Variants in CHRNA3 observed in about 807,000 individuals in gnomAD.
CHRNA3 encodes neuronal acetylcholine receptor subunit alpha-3.
Under a neutral mutation model 41.9 loss-of-function variants are expected in CHRNA3, and 34 were observed. That is an observed-to-expected ratio of 0.81 (90% CI 0.62 to 1.08). The LOEUF is 1.08. CHRNA3 is among the 50% of genes least tolerant of loss of function. The pLI is 0.00. For missense variants in CHRNA3, 542 were observed against 638.3 expected, an observed-to-expected ratio of 0.85 and a Z score of 1.63; for synonymous variants, 281 against 265.2, an observed-to-expected ratio of 1.06 and a Z score of -0.58.
chr15:78,613,923 G>T (rs2053424093), intron 4 of CHRNA3, among the ~76,000 whole-genome samples: 1 of 151,768 alleles, frequency 6.6e-6, no homozygotes, highest in African/African-American at 2.4e-5. Flanking sequence ...TCCAGCCTGG[G>T]CGACAGAGTG....
At chr15:78,609,736 T>C (rs2053353117) in intron 4 of CHRNA3, among the ~76,000 whole-genome samples, 1 of 152,126 alleles carries the variant, frequency 6.6e-6, no homozygotes, top group African/African-American at 2.4e-5. Context: ...CAATATTAAC[T>C]TTAAATGTAA....
At chr15:78,615,548 G>A (rs1012439161) in intron 4 of CHRNA3, among the ~76,000 whole-genome samples, 1 of 152,064 alleles carries the variant, frequency 6.6e-6, no homozygotes, top group African/African-American at 2.4e-5. Context: ...AAAGCAAGCT[G>A]GTCACACAGC....
chr15:78,601,945 A>T lies in CHRNA3; in HGVS notation c.697T>A (p.Tyr233Asn). The change falls in exon 5 of 6, where the codon TAC (tyrosine) becomes AAC (asparagine). Residue 233 changes from tyrosine to asparagine, a missense_variant. Coordinates refer to ENST00000326828, the MANE Select transcript of CHRNA3 (RefSeq NM_000743.5). ...GGCAGGCGCCGGATGTACAGCGAGTATGTGATGTCGGGGTAGATCTCCTCG... is the reference window on the plus strand; with the variant it reads ...GGCAGGCGCCGGATGTACAGCGAGTTTGTGATGTCGGGGTAGATCTCCTCG... ...CCEEIYPDIT[Y>N]SLYIRRLPLF... is the part of the protein sequence containing the mutation. 1 of 1,613,534 alleles carries T rather than the reference A, an allele frequency of 6.2e-7. No individual in the cohort carries two copies. The highest frequency in any genetic ancestry group is 8.5e-7 in the Non-Finnish European group (1 of 1,179,612).
intron 4 of CHRNA3, among the ~76,000 whole-genome samples, chr15:78,608,979 T>G (rs1198622931): frequency 2.0e-5 from 3 of 152,044 alleles, no homozygotes; most frequent in Non-Finnish European, 4.4e-5. Context: ...AGAAAGGGTA[T>G]CAGTGATGGA....
chr15:78,620,954 C>CT lies in CHRNA3; in HGVS notation c.-161_-160insA, dbSNP rs2053542618. ...TCTCCGCTTCGCCGCCGCTGGGTTT[C>CT]CAGCGCCCTCGGACCCGCGGGAGGA... On this transcript the variant is annotated 5_prime_UTR_variant, in exon 1 of 6. It introduces an in-frame stop codon into an upstream open reading frame of the 5' UTR. Transcript: ENST00000326828. The CT allele has an allele frequency of 9.6e-7, 1 of 1,044,154 alleles. No homozygotes were observed. Among genetic ancestry groups the CT allele is most frequent in the Non-Finnish European group, 1.2e-6 (1 of 819,036 alleles). The allele number at this position is 1,044,154 out of a possible 1,614,324, so 64.7% of individuals were successfully genotyped here.
chr15:78,615,234 G>A (rs1433000260), intron 4 of CHRNA3, among the ~76,000 whole-genome samples: 1 of 152,206 alleles, frequency 6.6e-6, no homozygotes, highest in Non-Finnish European at 1.5e-5. Context: ...CTTTCTCCAA[G>A]GCCCAGACCT....
At chr15:78,617,601 G>A (rs1056433155) in intron 3 of CHRNA3, among the ~76,000 whole-genome samples, 1 of 152,190 alleles carries the variant, frequency 6.6e-6, no homozygotes, top group African/African-American at 2.4e-5. Flanking sequence ...GACCCCTGCA[G>A]GGCCCAGGAA....
intron 4 of CHRNA3, among the ~76,000 whole-genome samples, chr15:78,609,583 A>C (rs2053350278): frequency 1.3e-5 from 2 of 152,210 alleles, no homozygotes; most frequent in Non-Finnish European, 1.5e-5. Flanking sequence ...AGGAAGCGCT[A>C]AACATGGAAA....
intron 4 of CHRNA3, among the ~76,000 whole-genome samples, chr15:78,605,424 G>A (rs751047019): frequency 6.6e-5 from 10 of 152,216 alleles, no homozygotes; most frequent in African/African-American, 1.2e-4. Context: ...AGAGGCAGCC[G>A]GGGGAAAAGA....
At chr15:78,616,275 C>T (rs185832468) in intron 4 of CHRNA3, among the ~76,000 whole-genome samples, 233 of 151,856 alleles carry the variant, frequency 1.5e-3, no homozygotes, top group African/African-American at 5.4e-3. Flanking sequence ...ATTTCTTGAA[C>T]CCAGGAGGTG....
downstream of CHRNA3, chr15:78,593,246 A>G (rs200454752): frequency 3.1e-6 from 5 of 1,609,688 alleles, no homozygotes; most frequent in East Asian, 2.2e-5. Flanking sequence ...GGAAATGCAA[A>G]TAAGTGAAGC....
intron 4 of CHRNA3, among the ~76,000 whole-genome samples, chr15:78,608,133 C>T (rs905860755): frequency 1.3e-5 from 2 of 152,242 alleles, no homozygotes; most frequent in Non-Finnish European, 2.9e-5. Flanking sequence ...ATAGGCTCCA[C>T]CTCTGGGGGC....
chr15:78,619,518 G>T (rs746122727), intron 1 of CHRNA3, among the ~76,000 whole-genome samples: 1 of 151,990 alleles, frequency 6.6e-6, no homozygotes, highest in Non-Finnish European at 1.5e-5. Context: ...CAGCCTCCGG[G>T]AGAACACAGC....
rs2053085129 is a variant in CHRNA3 at position 78,595,316 on chromosome 15, C to T, written c.*1288G>A. On this transcript the variant is annotated 3_prime_UTR_variant, in exon 6 of 6. Coordinates refer to ENST00000326828, the MANE Select transcript of CHRNA3 (RefSeq NM_000743.5). ...ACATGAGTCACAGCGGGCTGCAATT[C>T]TGTCCATTTTATTTTTGCACAGGAA... 1 of 985,004 alleles carries T rather than the reference C, an allele frequency of 1.0e-6. No homozygotes were observed. Among genetic ancestry groups the T allele is most frequent in the Admixed American group, 6.2e-5 (1 of 16,194 alleles). 61.0% of individuals were successfully genotyped at this position (985,004 alleles called of 1,614,324 possible).
chr15:78,615,200 C>A (rs1003746881), intron 4 of CHRNA3, among the ~76,000 whole-genome samples: 2 of 152,194 alleles, frequency 1.3e-5, no homozygotes, highest in African/African-American at 4.8e-5. Flanking sequence ...AACCTTGCTT[C>A]ACATACTTGG....
intron 4 of CHRNA3, among the ~76,000 whole-genome samples, chr15:78,614,907 G>C (rs901150985): frequency 6.6e-6 from 1 of 152,186 alleles, no homozygotes; most frequent in Non-Finnish European, 1.5e-5. Context: ...GGGTTTTGGA[G>C]GTGCTATGAT....
At chr15:78,594,729 A>G (rs1825411326), downstream of CHRNA3, 1 of 152,200 alleles carries the variant, frequency 6.6e-6, no homozygotes, top group Non-Finnish European at 1.5e-5. Context: ...TCTAATATGA[A>G]ACACAGTATT....
intron 4 of CHRNA3, among the ~76,000 whole-genome samples, chr15:78,610,920 C>T (rs2053370338): frequency 6.6e-6 from 1 of 152,176 alleles, no homozygotes; most frequent in African/African-American, 2.4e-5. Flanking sequence ...ATACAAATTA[C>T]CATCAGAGAA....
At chr15:78,610,997 T>C (rs1444743345) in intron 4 of CHRNA3, among the ~76,000 whole-genome samples, 1 of 152,018 alleles carries the variant, frequency 6.6e-6, no homozygotes, top group Non-Finnish European at 1.5e-5. Flanking sequence ...CCTGGACACA[T>C]ACACTCTCCC....
Sources: allele counts gnomAD v4.1 joint callset (sites outside exome capture counted in the v4.1 genomes callset), GRCh38; gene constraint gnomAD v4.1.1; transcripts MANE v1.5; gene names NCBI Gene and HGNC (gene_info 2026-07-23, HGNC 2026-07-21).